The following PTCHD4 variants were observed in gnomAD, a reference collection of about 807,000 sequenced individuals.
The protein encoded by PTCHD4 is patched domain-containing protein 4.
A neutral mutation model predicts 58.1 loss-of-function variants in PTCHD4; 33 were observed. The ratio of observed to expected loss-of-function variants is 0.57; its 90% CI spans 0.43 to 0.76. PTCHD4 has a LOEUF of 0.76. PTCHD4 is among the 30% of genes least tolerant of loss of function. The pLI is 0.00. For missense variants in PTCHD4, 1,058 were observed against 1,027.1 expected, an observed-to-expected ratio of 1.03 and a Z score of -0.41; for synonymous variants, 478 against 409.6, an observed-to-expected ratio of 1.17 and a Z score of -2.02.
chr6:47,856,948 A>G lies in PTCHD4; in HGVS notation c.*21355T>C, dbSNP rs1763322910. On this transcript the variant is annotated 3_prime_UTR_variant, in exon 5 of 5. Transcript: ENST00000339488. ...AAGGGACAATATTCATATTTAAATA[A>G]TGATATTAATAATTGGTAATGAATC... Among the ~76,000 whole-genome samples, 1 of 152,062 alleles carries G rather than the reference A, an allele frequency of 6.6e-6. No homozygotes were observed. Among genetic ancestry groups the G allele is most frequent in the Non-Finnish European group, 1.5e-5 (1 of 67,990 alleles).
At chr6:48,081,150 G>A (rs1030017628) in intron 1 of PTCHD4, among the ~76,000 whole-genome samples, 1 of 152,186 alleles carries the variant, frequency 6.6e-6, no homozygotes, top group African/African-American at 2.4e-5. Context: ...CCCTACCTAT[G>A]AAGGTAATAG....
At chr6:48,065,163 G>C (rs1427890281) in intron 3 of PTCHD4, among the ~76,000 whole-genome samples, 1 of 152,108 alleles carries the variant, frequency 6.6e-6, no homozygotes, top group African/African-American at 2.4e-5. Context: ...CATAACAAAG[G>C]TTTCTGACCA....
At chr6:48,074,060 TAAG>T (rs993084158) in intron 1 of PTCHD4, among the ~76,000 whole-genome samples, 14 of 152,120 alleles carry the variant, frequency 9.2e-5, no homozygotes, top group African/African-American at 3.4e-4. Flanking sequence ...TTGTGGGTTT[TAAG>T]AAGATGCTCT....
At chr6:48,016,079 T>G (rs528055123) in intron 3 of PTCHD4, among the ~76,000 whole-genome samples, 1 of 151,982 alleles carries the variant, frequency 6.6e-6, no homozygotes, top group Admixed American at 6.6e-5. Context: ...GTATAATATT[T>G]CCCCCAAATA....
Position 47,876,087 on chromosome 6 carries a change from C to T in PTCHD4, c.*2216G>A, listed in dbSNP as rs1763841294. Among the ~76,000 whole-genome samples the T allele has an allele frequency of 6.6e-6, 1 of 151,470 alleles. No homozygotes were observed. Among genetic ancestry groups the T allele is most frequent in the South Asian group, 2.1e-4 (1 of 4,806 alleles). On this transcript the variant is annotated 3_prime_UTR_variant, in exon 5 of 5. Transcript: ENST00000339488. The stretch of plus-strand genomic sequence containing the variant: ...CTGCACCCCCACTACAAAACTCCCA[C>T]CCAAACAAAAAATCAAAACCCAACC...
At chr6:48,103,685 G>C (rs1765657482) in intron 1 of PTCHD4, among the ~76,000 whole-genome samples, 1 of 149,106 alleles carries the variant, frequency 6.7e-6, no homozygotes, top group Non-Finnish European at 1.5e-5. Flanking sequence ...CAATGGCAAA[G>C]AAGTTAAAAA....
chr6:47,983,516 T>C (rs1767958992), intron 4 of PTCHD4, among the ~76,000 whole-genome samples: 1 of 152,198 alleles, frequency 6.6e-6, no homozygotes, highest in African/African-American at 2.4e-5. Context: ...AAGGTACATT[T>C]GGTATTTCAA....
intron 1 of PTCHD4, among the ~76,000 whole-genome samples, chr6:48,105,375 G>A (rs1254784466): frequency 6.6e-6 from 1 of 152,160 alleles, no homozygotes; most frequent in Non-Finnish European, 1.5e-5. Context: ...AATGAAGGCA[G>A]AAATAAAGAT....
At chr6:48,072,793 T>C (rs1214679483) in intron 1 of PTCHD4, among the ~76,000 whole-genome samples, 1 of 152,194 alleles carries the variant, frequency 6.6e-6, no homozygotes, top group East Asian at 1.9e-4. Context: ...ACATAGATTA[T>C]TGTAGCCCCT....
intron 4 of PTCHD4, among the ~76,000 whole-genome samples, chr6:47,928,844 T>C (rs1765717411): frequency 6.6e-6 from 1 of 152,208 alleles, no homozygotes; most frequent in South Asian, 2.1e-4. Flanking sequence ...TAATGTTGAA[T>C]GAATGAGTTA....
Position 47,871,717 on chromosome 6 carries a change from C to T in PTCHD4, c.*6586G>A, listed in dbSNP as rs1168658578. On this transcript the variant is annotated 3_prime_UTR_variant, in exon 5 of 5. Transcript: ENST00000339488. ...TGCCATTTAATCAAAGATTGCATGCCATTTTGTCTTTAAATACCCTTATGA... is the reference window on the plus strand; with the variant it reads ...TGCCATTTAATCAAAGATTGCATGCTATTTTGTCTTTAAATACCCTTATGA... Among the ~76,000 whole-genome samples the T allele has an allele frequency of 6.6e-6, 1 of 151,628 alleles. No individual in the cohort carries two copies. The highest frequency in any genetic ancestry group is 6.6e-5 in the Admixed American group (1 of 15,164).
intron 3 of PTCHD4, among the ~76,000 whole-genome samples, chr6:48,046,188 T>C (rs1269283930): frequency 6.6e-6 from 1 of 151,892 alleles, no homozygotes; most frequent in Non-Finnish European, 1.5e-5. Context: ...ATTTTTAATG[T>C]CATTCCTTCA....
intron 1 of PTCHD4, among the ~76,000 whole-genome samples, chr6:48,109,396 G>A (rs1040948714): frequency 3.9e-5 from 6 of 151,942 alleles, no homozygotes; most frequent in Non-Finnish European, 1.5e-5. Context: ...ACATAACCAA[G>A]TATTTATCTT....
chr6:48,038,646 C>G (rs1022333819), intron 3 of PTCHD4, among the ~76,000 whole-genome samples: 1 of 101,122 alleles, frequency 9.9e-6, no homozygotes, highest in African/African-American at 3.8e-5. Context: ...GCCTGGGCGA[C>G]AAGAGTAAGT....
In PTCHD4 at chr6:47,878,670, G is replaced by A. The variant is rs1375453338; in HGVS notation, c.2165C>T (p.Ala722Val). The A allele has an allele frequency of 6.2e-7, 1 of 1,613,540 alleles. No homozygotes were observed. The highest frequency in any genetic ancestry group is 8.5e-7 in the Non-Finnish European group (1 of 1,179,756). The change falls in exon 5 of 5, where the codon GCC becomes GTC. Residue 722 changes from alanine (A) to valine (V), a missense_variant. Coordinates refer to ENST00000339488, the MANE Select transcript of PTCHD4 (RefSeq NM_001384253.1). ...AAGCAGTGGTGCACAGTGGTCAATG[G>A]CGAAATTCAAGGTGTAGATAAGGCA... Reference protein sequence around the residue: ...ILCLIYTLNFAIDHCAPLLFT... With the variant: ...ILCLIYTLNFVIDHCAPLLFT...
At chr6:48,090,332 G>A (rs569746952) in intron 1 of PTCHD4, among the ~76,000 whole-genome samples, 1 of 152,130 alleles carries the variant, frequency 6.6e-6, no homozygotes, top group South Asian at 2.1e-4. Context: ...TGGAGGGAAC[G>A]TCATTCTCAG....
chr6:48,060,079 G>A (rs565395318), intron 3 of PTCHD4, among the ~76,000 whole-genome samples: 19 of 152,314 alleles, frequency 1.2e-4, no homozygotes, highest in African/African-American at 4.3e-4. Flanking sequence ...AGCTCCCGGA[G>A]GGCAAGGACC....
At chr6:48,040,341 C>A (rs949039588) in intron 3 of PTCHD4, among the ~76,000 whole-genome samples, 1 of 152,008 alleles carries the variant, frequency 6.6e-6, no homozygotes, top group African/African-American at 2.4e-5. Flanking sequence ...AAGTGTTCAT[C>A]CTAACTTTTT....
intron 4 of PTCHD4, among the ~76,000 whole-genome samples, chr6:47,958,243 C>G (rs964634218): frequency 2.0e-5 from 3 of 151,968 alleles, no homozygotes; most frequent in African/African-American, 7.3e-5. Context: ...TTCCAGTGAC[C>G]TGGACTTCTA....
Sources: gnomAD v4.1 joint callset for allele counts (sites outside exome capture counted in the v4.1 genomes callset) on GRCh38, gnomAD v4.1.1 for gene constraint, MANE v1.5 for transcripts, NCBI Gene and HGNC (gene_info 2026-07-23, HGNC 2026-07-21) for gene names.